Variants in LHFPL3 observed in about 807,000 individuals in gnomAD.
LHFPL3 encodes LHFPL tetraspan subfamily member 3, also known as LHFPL tetraspan subfamily member 3 protein.
In LHFPL3, 5 loss-of-function variants were observed where a neutral mutation model predicts 19.3. The observed-to-expected ratio is 0.26, with a 90% CI of 0.14 to 0.54. LHFPL3 has a LOEUF of 0.54. Among genes scored for constraint, LHFPL3 ranks in the 20% least tolerant of loss-of-function variants. The pLI is 0.94. For missense variants in LHFPL3, 249 were observed against 307.4 expected, an observed-to-expected ratio of 0.81 and a Z score of 1.42; for synonymous variants, 133 against 126.2, an observed-to-expected ratio of 1.05 and a Z score of -0.36.
chr7:104,392,440 T>A lies in LHFPL3; in HGVS notation c.445+63216T>A, dbSNP rs1349228567. On this transcript the variant is annotated intron_variant, in intron 1 of 2. Coordinates refer to ENST00000424859, the MANE Select transcript of LHFPL3 (RefSeq NM_199000.3). ...AAGGCCTTTTCTGCATCTATTGAGA[T>A]AATCATGTGGTTTTTGTCTTTGGTT... Among the ~76,000 whole-genome samples the A allele has an allele frequency of 4.6e-4, 70 of 151,932 alleles. 1 individual carries two copies. Among genetic ancestry groups the A allele is most frequent in the Non-Finnish European group, 5.2e-4 (35 of 67,890 alleles).
intron 1 of LHFPL3, among the ~76,000 whole-genome samples, chr7:104,344,043 C>T (rs973013975): frequency 1.8e-4 from 27 of 151,954 alleles, no homozygotes; most frequent in African/African-American, 6.0e-4. Context: ...CCCTTATATT[C>T]CTACACTAAG....
At chr7:104,409,778 G>A (rs577552489) in intron 1 of LHFPL3, among the ~76,000 whole-genome samples, 95 of 152,168 alleles carry the variant, frequency 6.2e-4, no homozygotes, top group African/African-American at 2.0e-3. Context: ...AAATGCCTTC[G>A]AACATAAATC....
intron 2 of LHFPL3, among the ~76,000 whole-genome samples, chr7:104,832,627 T>C (rs906477793): frequency 6.7e-6 from 1 of 149,268 alleles, no homozygotes; most frequent in African/African-American, 2.5e-5. Flanking sequence ...TTTCCTTCTT[T>C]TTTTTTTTTT....
At chr7:104,371,496 T>A (rs1790614608) in intron 1 of LHFPL3, among the ~76,000 whole-genome samples, 1 of 152,200 alleles carries the variant, frequency 6.6e-6, no homozygotes, top group Admixed American at 6.5e-5. Flanking sequence ...CATTCCTACT[T>A]TTTAGATTGC....
intron 2 of LHFPL3, chr7:104,802,988 T>C (rs1235915509): frequency 1.3e-5 from 2 of 152,310 alleles, no homozygotes; most frequent in East Asian, 3.8e-4. Context: ...ATATTGAAAC[T>C]CCAAAGCTTG....
At chr7:104,559,992 G>A (rs576191700) in intron 1 of LHFPL3, among the ~76,000 whole-genome samples, 1 of 149,996 alleles carries the variant, frequency 6.7e-6, no homozygotes, top group South Asian at 2.1e-4. Flanking sequence ...TTATTGATTT[G>A]CGTATATTGA....
At chr7:104,808,292 C>T (rs1790404468) in intron 2 of LHFPL3, among the ~76,000 whole-genome samples, 1 of 152,192 alleles carries the variant, frequency 6.6e-6, no homozygotes, top group African/African-American at 2.4e-5. Context: ...TCCAATTGAA[C>T]CCACCAACCC....
chr7:104,345,620 T>C (rs1790050483), intron 1 of LHFPL3, among the ~76,000 whole-genome samples: 2 of 152,216 alleles, frequency 1.3e-5, no homozygotes, highest in Non-Finnish European at 2.9e-5. Context: ...CTTGTTAAAA[T>C]ATTTACAAAT....
At chr7:104,386,919 G>GT (rs1308848764) in intron 1 of LHFPL3, among the ~76,000 whole-genome samples, 1 of 152,088 alleles carries the variant, frequency 6.6e-6, no homozygotes, top group Non-Finnish European at 1.5e-5. Flanking sequence ...CTGCCACATT[G>GT]TATCACCTAA....
chr7:104,515,788 G>A (rs773867018), intron 1 of LHFPL3, among the ~76,000 whole-genome samples: 7 of 152,154 alleles, frequency 4.6e-5, no homozygotes, highest in Non-Finnish European at 1.0e-4. Flanking sequence ...GGGTGTGTAA[G>A]AGTTGCCTGT....
chr7:104,772,496 C>T (rs548721718), intron 2 of LHFPL3, among the ~76,000 whole-genome samples: 2 of 152,272 alleles, frequency 1.3e-5, no homozygotes, highest in East Asian at 1.9e-4. Context: ...ACAAGGACAC[C>T]GGATCCTACA....
Position 104,865,445 on chromosome 7 carries a change from C to T in LHFPL3, c.683-40742C>T, listed in dbSNP as rs567376085. Among the ~76,000 whole-genome samples, 13 of 152,002 alleles carry T rather than the reference C, an allele frequency of 8.6e-5. No homozygotes were observed. The East Asian group carries it at 1.9e-3, about 23-fold the overall frequency. Reference sequence around the variant, plus strand: ...TGACGAATGCACAAGCCTCAGTAGCCGATTCGATCAACTGGAAGAAAGGGT... The same window carrying T: ...TGACGAATGCACAAGCCTCAGTAGCTGATTCGATCAACTGGAAGAAAGGGT... On this transcript the variant is annotated intron_variant, in intron 2 of 2. Coordinates refer to ENST00000424859, the MANE Select transcript of LHFPL3 (RefSeq NM_199000.3).
chr7:104,544,373 G>A (rs1794542752), intron 1 of LHFPL3, among the ~76,000 whole-genome samples: 2 of 152,152 alleles, frequency 1.3e-5, no homozygotes, highest in African/African-American at 2.4e-5. Flanking sequence ...GACACTTTGT[G>A]TAACAAGTGG....
At chr7:104,492,459 T>G (rs549235063) in intron 1 of LHFPL3, among the ~76,000 whole-genome samples, 42 of 152,322 alleles carry the variant, frequency 2.8e-4, no homozygotes, top group African/African-American at 9.1e-4. Flanking sequence ...GGGACCATGT[T>G]GCATTCACAA....
intron 2 of LHFPL3, among the ~76,000 whole-genome samples, chr7:104,845,858 C>A (rs981711841): frequency 6.6e-6 from 1 of 152,232 alleles, no homozygotes; most frequent in Admixed American, 6.5e-5. Flanking sequence ...GGGGCCACCA[C>A]CCTTTGGTGG....
chr7:104,761,677 G>T (rs1794374143), intron 2 of LHFPL3, among the ~76,000 whole-genome samples: 1 of 152,166 alleles, frequency 6.6e-6, no homozygotes, highest in African/African-American at 2.4e-5. Flanking sequence ...CCCTTCATTT[G>T]ATTTGACTCA....
chr7:104,566,212 A>G (rs1029268047), intron 1 of LHFPL3, among the ~76,000 whole-genome samples: 70 of 152,288 alleles, frequency 4.6e-4, no homozygotes, highest in African/African-American at 1.7e-3. Flanking sequence ...TTTGCCTGTC[A>G]TGATGGCATG....
At chr7:104,627,968 A>C (rs950661449) in intron 1 of LHFPL3, among the ~76,000 whole-genome samples, 1 of 152,232 alleles carries the variant, frequency 6.6e-6, no homozygotes, top group African/African-American at 2.4e-5. Context: ...GCAAATCAGA[A>C]AATATCTGTA....
At chr7:104,736,104 C>T (rs1393174954) in intron 1 of LHFPL3, among the ~76,000 whole-genome samples, 1 of 152,038 alleles carries the variant, frequency 6.6e-6, no homozygotes, top group African/African-American at 2.4e-5. Flanking sequence ...TGTATCCTTT[C>T]TCTGTATCCA....
Sources: gnomAD v4.1 joint callset for allele counts (sites outside exome capture counted in the v4.1 genomes callset) on GRCh38, gnomAD v4.1.1 for gene constraint, MANE v1.5 for transcripts, NCBI Gene and HGNC (gene_info 2026-07-23, HGNC 2026-07-21) for gene names.